FANCB: variants seen among roughly 807,000 people sequenced by gnomAD.
FANCB encodes Fanconi anemia group B protein.
In FANCB, 5 loss-of-function variants were observed where a neutral mutation model predicts 38.9. That is an observed-to-expected ratio of 0.13 (90% CI 0.07 to 0.27). The LOEUF is 0.27. Ranked by LOEUF, FANCB falls within the 10% of genes least tolerant of loss-of-function variation. The pLI is 1.00. For missense variants in FANCB, 573 were observed against 602.7 expected (o/e 0.95, Z 0.52); for synonymous variants, 236 against 215.4 (o/e 1.10, Z -0.84).
rs778796466 is a variant in FANCB at position 14,850,579 on chromosome X, T to C, written c.1422A>G (p.Leu474=). 1 of 1,191,172 alleles carries C rather than the reference T, an allele frequency of 8.4e-7. No homozygotes were observed. Among genetic ancestry groups the C allele is most frequent in the Non-Finnish European group, 1.1e-6 (1 of 876,961 alleles). Residue 474 remains leucine (L), a synonymous_variant, in exon 7 of 10, where the codon CTA becomes CTG. Transcript: ENST00000650831. Reference sequence around the variant, plus strand: ...TTACACGATACCATATCTTCTCTACTAGCTGTTCTGAATCTTGAAAATTGT... The same window carrying C: ...TTACACGATACCATATCTTCTCTACCAGCTGTTCTGAATCTTGAAAATTGT... The part of the protein sequence containing the change: ...LSDNFQDSEQ[L]VEKIWYRVID...
intron 10 of FANCB, among the ~76,000 whole-genome samples, chrX:14,836,706 A>T (rs1047028088): frequency 2.7e-5 from 3 of 111,853 alleles, no homozygotes; most frequent in African/African-American, 9.7e-5. Flanking sequence ...TCTCTGAATG[A>T]TGAGGTAAAA....
chrX:14,694,565 A>G, the FANCB span, among the ~76,000 whole-genome samples: 2 of 112,321 alleles, frequency 1.8e-5, no homozygotes, highest in East Asian at 5.6e-4. Flanking sequence ...CAAGAGTAGC[A>G]GCAGATAAGT....
chrX:14,745,738 C>T, the FANCB span, among the ~76,000 whole-genome samples: 2 of 88,254 alleles, frequency 2.3e-5, no homozygotes, highest in Middle Eastern at 7.9e-3. Flanking sequence ...CTCACTCTGT[C>T]GCCCAGGCTG....
At chrX:14,787,917 ATATATATG>A in the FANCB span, among the ~76,000 whole-genome samples, 4 of 83,373 alleles carry the variant, frequency 4.8e-5, no homozygotes, top group African/African-American at 1.4e-4. Context: ...ATATATATAT[ATATATATG>A]AATGATTATA....
At chrX:14,752,190 T>TA in the FANCB span, among the ~76,000 whole-genome samples, 4 of 111,749 alleles carry the variant, frequency 3.6e-5, no homozygotes, top group Non-Finnish European at 7.5e-5. Flanking sequence ...CATAATCATG[T>TA]AAAAATCATT....
the FANCB span, among the ~76,000 whole-genome samples, chrX:14,784,082 C>T: frequency 3.6e-5 from 4 of 111,797 alleles, no homozygotes; most frequent in Admixed American, 9.4e-5. Context: ...TGGTGGTGGG[C>T]GCCTGTAGTC....
chrX:14,741,302 A>G, the FANCB span, among the ~76,000 whole-genome samples: 1 of 111,593 alleles, frequency 9.0e-6, no homozygotes, highest in African/African-American at 3.3e-5. Flanking sequence ...AAACCCTACT[A>G]TATATCCTTA....
chrX:14,816,228 G>C, the FANCB span, among the ~76,000 whole-genome samples: 1 of 112,131 alleles, frequency 8.9e-6, no homozygotes, highest in African/African-American at 3.2e-5. Context: ...ATTTTAAAAA[G>C]AGGATCAGAA....
the FANCB span, among the ~76,000 whole-genome samples, chrX:14,811,430 T>G: frequency 9.0e-6 from 1 of 110,890 alleles, no homozygotes; most frequent in Admixed American, 9.6e-5. Flanking sequence ...CCATCTCACG[T>G]GCAGAGACAC....
At chrX:14,785,106 C>G in the FANCB span, among the ~76,000 whole-genome samples, 1 of 111,718 alleles carries the variant, frequency 9.0e-6, no homozygotes, top group Admixed American at 9.5e-5. Flanking sequence ...GTGCAGCACA[C>G]CACCATGGCA....
chrX:14,776,389 A>T, the FANCB span, among the ~76,000 whole-genome samples: 35 of 112,101 alleles, frequency 3.1e-4, no homozygotes, highest in African/African-American at 1.1e-3. Flanking sequence ...GGGAAAGAGC[A>T]ACAGTTCAAA....
the FANCB span, among the ~76,000 whole-genome samples, chrX:14,755,004 C>T: frequency 8.1e-5 from 9 of 111,570 alleles, no homozygotes; most frequent in South Asian, 3.7e-4. Context: ...TGTGGTTTAA[C>T]GTATACAAAC....
At chrX:14,810,430 C>G in the FANCB span, among the ~76,000 whole-genome samples, 4 of 111,408 alleles carry the variant, frequency 3.6e-5, no homozygotes, top group African/African-American at 1.3e-4. Flanking sequence ...AAAATTTAGA[C>G]GAATGTATAG....
the FANCB span, among the ~76,000 whole-genome samples, chrX:14,746,028 C>T: frequency 9.0e-6 from 1 of 111,347 alleles, no homozygotes; most frequent in East Asian, 2.8e-4. Flanking sequence ...AGAAATAGCC[C>T]TAACAACAAC....
the FANCB span, among the ~76,000 whole-genome samples, chrX:14,741,467 T>C: frequency 3.0e-4 from 33 of 111,621 alleles, no homozygotes; most frequent in East Asian, 9.1e-3. Context: ...CCTCACTATG[T>C]ACTAGTAACT....
chrX:14,764,615 G>C, the FANCB span, among the ~76,000 whole-genome samples: 350 of 110,754 alleles, frequency 3.2e-3, 1 homozygote, highest in African/African-American at 0.01. Context: ...ATTATACAAG[G>C]GCATAACTCA....
chrX:14,865,521 C>T lies in FANCB; in HGVS notation c.-11G>A. ...TTGTTTGCTAGTCATTCCACAATAT[C>T]AAGTCTTTGTGCTGATCTAATTTTC... On this transcript the variant is annotated 5_prime_UTR_variant, in exon 3 of 10. Transcript: ENST00000650831. 1 of 1,135,110 alleles carries T rather than the reference C, an allele frequency of 8.8e-7. No individual in the cohort carries two copies. Among genetic ancestry groups the T allele is most frequent in the Non-Finnish European group, 1.2e-6 (1 of 831,434 alleles). The allele number at this position is 1,135,110 out of a possible 1,213,427, so 93.5% of individuals were successfully genotyped here.
the FANCB span, among the ~76,000 whole-genome samples, chrX:14,733,030 T>C: frequency 2.7e-5 from 3 of 112,398 alleles, no homozygotes; most frequent in African/African-American, 9.7e-5. Flanking sequence ...TTTAAGTCTT[T>C]AATCCATCTT....
chrX:14,772,206 A>G, the FANCB span, among the ~76,000 whole-genome samples: 1 of 110,501 alleles, frequency 9.0e-6, no homozygotes, highest in African/African-American at 3.3e-5. Flanking sequence ...AGACTGAAAC[A>G]GTTGAGTTGA....
Sources: gnomAD v4.1 joint callset for allele counts (sites outside exome capture counted in the v4.1 genomes callset) on GRCh38, gnomAD v4.1.1 for gene constraint, MANE v1.5 for transcripts, NCBI Gene and HGNC (gene_info 2026-07-23, HGNC 2026-07-21) for gene names.